TNRC6C: variants seen among roughly 807,000 people sequenced by gnomAD.
TNRC6C encodes trinucleotide repeat containing adaptor 6C.
In TNRC6C, 20 loss-of-function variants were observed where a neutral mutation model predicts 153.7. The ratio of observed to expected loss-of-function variants is 0.13; its 90% CI spans 0.09 to 0.19. The LOEUF (loss-of-function observed/expected upper bound fraction) is 0.19, where lower values mean the gene tolerates loss of function less well. Among genes scored for constraint, TNRC6C ranks in the 10% least tolerant of loss-of-function variants. The probability of loss-of-function intolerance (pLI) is 1.00; values close to 1 mark genes in which losing one functional copy is unlikely to be tolerated. For synonymous variants in TNRC6C, 811 were observed against 841.4 expected (o/e 0.96, Z 0.63); for missense variants, 1,987 against 2,172.0 (o/e 0.91, Z 1.69).
intron 2 of TNRC6C, among the ~76,000 whole-genome samples, chr17:78,037,968 A>G (rs2072212631): frequency 6.6e-6 from 1 of 152,230 alleles, no homozygotes; most frequent in African/African-American, 2.4e-5. Flanking sequence ...GAACTATGAT[A>G]TAAAGAGAGC....
In TNRC6C at chr17:77,963,595, G is replaced by T. The variant is rs565287175; in HGVS notation, c.-38+4327G>T. Among the ~76,000 whole-genome samples the T allele has an allele frequency of 4.8e-4, 73 of 152,308 alleles. 1 individual carries two copies. Among genetic ancestry groups the T allele is most frequent in the African/African-American group, 1.8e-3 (73 of 41,566 alleles). On this transcript the variant is annotated intron_variant, in intron 1 of 22. Coordinates refer to the TNRC6C transcript ENST00000636222. ...CATTCCTCCTCTGTAGCCTTCAAAA[G>T]ACTATAGAGCTGTGTGCAGAGCTAG... is the stretch of plus-strand genomic sequence containing the variant.
At chr17:78,078,442 C>G (rs2073121632) in intron 9 of TNRC6C, among the ~76,000 whole-genome samples, 1 of 152,200 alleles carries the variant, frequency 6.6e-6, no homozygotes, top group Non-Finnish European at 1.5e-5. Flanking sequence ...TCAGTTCATT[C>G]CATTTCAAGG....
intron 1 of TNRC6C, among the ~76,000 whole-genome samples, chr17:77,968,356 G>GTTA (rs1023335642): frequency 5.3e-5 from 8 of 149,922 alleles, no homozygotes; most frequent in African/African-American, 1.7e-4. Flanking sequence ...TGTTGTTGTT[G>GTTA]TTTGAGACGT....
intron 1 of TNRC6C, among the ~76,000 whole-genome samples, chr17:78,015,572 C>T (rs535471302): frequency 1.3e-5 from 2 of 152,324 alleles, no homozygotes; most frequent in African/African-American, 4.8e-5. Flanking sequence ...GTATACCTAG[C>T]TCATACCACA....
intron 16 of TNRC6C, among the ~76,000 whole-genome samples, chr17:78,096,507 C>T (rs1299157819): frequency 6.6e-6 from 1 of 152,266 alleles, no homozygotes; most frequent in Non-Finnish European, 1.5e-5. Context: ...AAAGAGGTCC[C>T]TTGCAGCAGG....
At chr17:78,091,561 C>A in exon 14 of TNRC6C, 1 of 1,599,712 alleles carries the variant, frequency 6.3e-7, no homozygotes, top group Non-Finnish European at 8.5e-7. Flanking sequence ...CCATGGATAA[C>A]TTGCCCAGTG....
At chr17:78,024,906 G>T (rs772063060) in intron 1 of TNRC6C, among the ~76,000 whole-genome samples, 34 of 151,638 alleles carry the variant, frequency 2.2e-4, no homozygotes, top group Non-Finnish European at 3.8e-4. Flanking sequence ...CAACTCTCCT[G>T]CCTCAGCCTC....
intron 6 of TNRC6C, 74 bp from the exon 9 acceptor site, chr17:78,072,963 A>T: frequency 9.2e-7 from 1 of 1,082,400 alleles, no homozygotes; most frequent in Non-Finnish European, 1.4e-6. Context: ...TTAAGTTGAT[A>T]GTGATTAAAT....
intron 1 of TNRC6C, among the ~76,000 whole-genome samples, chr17:77,959,713 AGG>A (rs2070845440): frequency 6.6e-6 from 1 of 152,086 alleles, no homozygotes; most frequent in Non-Finnish European, 1.5e-5. Flanking sequence ...TGGGCGGAGA[AGG>A]ACCCCTGGGC....
intron 1 of TNRC6C, among the ~76,000 whole-genome samples, chr17:78,029,663 T>G (rs1443758062): frequency 1.3e-5 from 2 of 151,972 alleles, no homozygotes; most frequent in Non-Finnish European, 2.9e-5. Context: ...TTTTTAAGAG[T>G]TTTCACTCTT....
exon 3 of TNRC6C, chr17:78,050,087 A>G (rs1300083141): frequency 1.2e-6 from 2 of 1,609,724 alleles, no homozygotes; most frequent in Non-Finnish European, 1.7e-6. Flanking sequence ...GTGAATGGGG[A>G]ATGGGGAAAG....
upstream of TNRC6C, among the ~76,000 whole-genome samples, chr17:77,958,791 C>T (rs1041580557): frequency 1.3e-5 from 2 of 148,900 alleles, no homozygotes; most frequent in Non-Finnish European, 3.0e-5. Context: ...GGCCCCGCCG[C>T]CGCGCAGTCT....
At chr17:77,981,575 T>A (rs916422122) in intron 1 of TNRC6C, among the ~76,000 whole-genome samples, 3 of 152,246 alleles carry the variant, frequency 2.0e-5, no homozygotes, top group African/African-American at 7.2e-5. Flanking sequence ...AGTTTAAATG[T>A]CCTCAGGTCT....
chr17:78,107,410 TACA>T (rs1413651179), exon 20 of TNRC6C: 1 of 152,242 alleles, frequency 6.6e-6, no homozygotes, highest in Non-Finnish European at 1.5e-5. Context: ...CTTTCGAAAG[TACA>T]ACGCTTTATT....
At position 78,016,691 on chromosome 17, in the gene TNRC6C, CTG is replaced by C. The variant is rs768207942; in HGVS notation, c.-546+11615_-546+11616del. 7.9e-5 allele frequency among the ~76,000 whole-genome samples: 12 copies of C among 152,260 alleles called. No homozygotes were observed. In the East Asian group the frequency reaches 2.1e-3, roughly 27 times the overall value. ...TGCCTTCCCTTCTTTAGGTCATTCT[CTG>C]TGGTTCCTCCTTTAACATGATTATT... On this transcript the variant is annotated intron_variant, in intron 1 of 19. Coordinates refer to ENST00000301624, the Ensembl canonical transcript of TNRC6C.
At position 78,093,741 on chromosome 17, in the gene TNRC6C, C is replaced by T. The variant is rs372290004; in HGVS notation, c.4284C>T (p.Asn1428=). ...TCAACACCACCATCCAGGATGTCAA[C>T]CGCTACCTCCTCAAGAGTGGAGGTG... Residue 1428 remains asparagine (N), a synonymous_variant, in exon 16 of 20, where the codon AAC becomes AAT. Coordinates refer to ENST00000301624, the Ensembl canonical transcript of TNRC6C. 1.2e-5 allele frequency: 19 copies of T among 1,613,830 alleles called. No individual in the cohort carries two copies. The African/African-American group carries it at 2.1e-4, about 18-fold the overall frequency.
rs1412241151 is a variant in TNRC6C, at chr17:78,104,327, C to CA, written c.4713-154dup. Among the ~76,000 whole-genome samples, 3 of 152,156 alleles carry CA rather than the reference C, an allele frequency of 2.0e-5. No individual in the cohort carries two copies. The highest frequency in any genetic ancestry group is 4.4e-5 in the Non-Finnish European group (3 of 68,036). On this transcript the variant is annotated intron_variant, in intron 19 of 19. Transcript: ENST00000301624. The surrounding 1 kb of genome is among the most constrained non-coding windows in gnomAD (Gnocchi z 6.2). ...GTTGCCACTAGAAGTCTGAACTGAG[C>CA]AAAACATTCACAGTCTGGGTTTGGA...
At chr17:78,076,256 A>G (rs1011567181) in intron 8 of TNRC6C, among the ~76,000 whole-genome samples, 1 of 151,368 alleles carries the variant, frequency 6.6e-6, no homozygotes, top group Non-Finnish European at 1.5e-5. Context: ...GGAAAGGCTC[A>G]CAAGCAAAGA....
chr17:77,993,040 A>G (rs1237821846), intron 1 of TNRC6C, among the ~76,000 whole-genome samples: 3 of 152,038 alleles, frequency 2.0e-5, no homozygotes, highest in Non-Finnish European at 4.4e-5. Flanking sequence ...AACTTGGCTC[A>G]CTGCAACCTC....
Sources: allele counts gnomAD v4.1 joint callset (sites outside exome capture counted in the v4.1 genomes callset), GRCh38; gene constraint gnomAD v4.1.1; non-coding constraint Gnocchi (gnomAD v3.1); transcripts MANE v1.5; gene names NCBI Gene and HGNC (gene_info 2026-07-23, HGNC 2026-07-21).